EDARADD: variants seen among roughly 807,000 people sequenced by gnomAD.
EDARADD encodes the protein ectodysplasin-A receptor-associated adapter protein.
In EDARADD, 20 loss-of-function variants were observed where a neutral mutation model predicts 25.6. The ratio of observed to expected loss-of-function variants is 0.78; its 90% CI spans 0.55 to 1.14. The LOEUF is 1.14. Ranked by LOEUF, EDARADD falls within the 50% of genes most tolerant of loss-of-function variation. EDARADD has a pLI of 0.00. For synonymous variants in EDARADD, 86 were observed against 94.4 expected, an observed-to-expected ratio of 0.91 and a Z score of 0.52; for missense variants, 225 against 270.1, an observed-to-expected ratio of 0.83 and a Z score of 1.17.
chr1:236,454,323 C>T (rs1266317725), intron 4 of EDARADD, among the ~76,000 whole-genome samples: 1 of 152,212 alleles, frequency 6.6e-6, no homozygotes, highest in Non-Finnish European at 1.5e-5. Context: ...ACTGGGATTA[C>T]AGGCGTGAGC....
chr1:236,427,505 A>AT lies in EDARADD; in HGVS notation c.219+61dup. ...TTAGGTACATGATAATCCACCTAAA[A>AT]TTTTTTGAGATTTATAGAGTTTTAC... On this transcript the variant is annotated intron_variant, in intron 4 of 5. Transcript: ENST00000334232. The AT allele has an allele frequency of 3.3e-6, 5 of 1,498,068 alleles. 1 individual carries two copies. The highest frequency in any genetic ancestry group is 1.2e-5 in the South Asian group (1 of 82,416). The allele number at this position is 1,498,068 out of a possible 1,614,324, so 92.8% of individuals were successfully genotyped here.
chr1:236,368,048 A>G (rs1340569665), intron 3 of EDARADD, among the ~76,000 whole-genome samples: 1 of 152,184 alleles, frequency 6.6e-6, no homozygotes, highest in Non-Finnish European at 1.5e-5. Context: ...GTTTGAGACC[A>G]GCCTGGGCAA....
At chr1:236,355,466 T>C (rs887565193) in intron 3 of EDARADD, among the ~76,000 whole-genome samples, 5 of 151,534 alleles carry the variant, frequency 3.3e-5, no homozygotes, top group Admixed American at 2.6e-4. Flanking sequence ...TATTCTTACA[T>C]TTCCCATCCA....
chr1:236,392,022 C>T (rs1572123028), upstream of EDARADD, among the ~76,000 whole-genome samples: 1 of 152,184 alleles, frequency 6.6e-6, no homozygotes, highest in East Asian at 1.9e-4. Context: ...TATAGCAAAA[C>T]AGTATTTGCA....
chr1:236,385,259 A>G lies in EDARADD; in HGVS notation c.-5-23957A>G, dbSNP rs374934644. Among the ~76,000 whole-genome samples, 525 of 151,690 alleles carry G rather than the reference A, an allele frequency of 3.5e-3. 2 individuals are homozygous for G. Among genetic ancestry groups the G allele is most frequent in the African/African-American group, 0.012 (501 of 41,314 alleles). Reference sequence around the variant, plus strand: ...CCGTCTGTACCAAGAATCCAAAAAAATTAGCCAGGCGTGGTGGTGGGTGCC... The same window carrying G: ...CCGTCTGTACCAAGAATCCAAAAAAGTTAGCCAGGCGTGGTGGTGGGTGCC... On this transcript the variant is annotated intron_variant, in intron 3 of 7. Transcript: ENST00000439430.
intron 4 of EDARADD, among the ~76,000 whole-genome samples, chr1:236,455,195 G>A (rs1451008656): frequency 7.1e-6 from 1 of 141,660 alleles, no homozygotes; most frequent in Non-Finnish European, 1.5e-5. Flanking sequence ...GGGTGACAGA[G>A]CAAGGCTCTG....
chr1:236,424,399 G>A (rs2103014895), intron 3 of EDARADD, among the ~76,000 whole-genome samples: 1 of 152,086 alleles, frequency 6.6e-6, no homozygotes, highest in South Asian at 2.1e-4. Flanking sequence ...GGGCCCTCAA[G>A]CAACCCTCCC....
chr1:236,433,838 C>T (rs960305986), intron 4 of EDARADD, among the ~76,000 whole-genome samples: 1 of 151,634 alleles, frequency 6.6e-6, no homozygotes, highest in African/African-American at 2.4e-5. Context: ...CCACTGCACT[C>T]CAGCCTAGGC....
intron 1 of EDARADD, among the ~76,000 whole-genome samples, chr1:236,401,540 C>T (rs1189387156): frequency 1.3e-5 from 2 of 152,136 alleles, no homozygotes; most frequent in Non-Finnish European, 2.9e-5. Context: ...GCATACAGTA[C>T]GTGTTTCCCA....
At position 236,398,518 on chromosome 1, in the gene EDARADD, A is replaced by G. The variant is rs1226373279; in HGVS notation, c.61+4013A>G. Reference sequence around the variant, plus strand: ...TGAGGCTTACACACTCTGTGCAATCAATCCCTACCTGTTCCTTCACTTGCC... The same window carrying G: ...TGAGGCTTACACACTCTGTGCAATCGATCCCTACCTGTTCCTTCACTTGCC... On this transcript the variant is annotated intron_variant, in intron 1 of 5. Coordinates refer to ENST00000334232, the MANE Select transcript of EDARADD (RefSeq NM_145861.4). This position sits in a 1 kb window ranked among gnomAD's most constrained non-coding sequence, Gnocchi z 4.1. 2.0e-5 allele frequency among the ~76,000 whole-genome samples: 3 copies of G among 152,182 alleles called. No homozygotes were observed. The South Asian group carries it at 6.2e-4, about 32-fold the overall frequency.
intron 1 of EDARADD, among the ~76,000 whole-genome samples, chr1:236,399,202 G>A (rs572269742): frequency 6.6e-6 from 1 of 152,028 alleles, no homozygotes; most frequent in Non-Finnish European, 1.5e-5. Flanking sequence ...ATTTTTTTGA[G>A]ACAGAATCTC....
At chr1:236,417,523 G>T (rs1320075101) in intron 3 of EDARADD, among the ~76,000 whole-genome samples, 1 of 152,024 alleles carries the variant, frequency 6.6e-6, no homozygotes, top group South Asian at 2.1e-4. Flanking sequence ...TTTCTCATAG[G>T]GCATAAATGC....
At chr1:236,374,162 G>A (rs1667199832) in intron 3 of EDARADD, among the ~76,000 whole-genome samples, 1 of 151,908 alleles carries the variant, frequency 6.6e-6, no homozygotes, top group Admixed American at 6.6e-5. Context: ...GTAGTCAATA[G>A]ATATCAATAA....
chr1:236,436,012 TAAA>T lies in EDARADD; in HGVS notation c.219+8565_219+8567del, dbSNP rs550772570. On this transcript the variant is annotated intron_variant, in intron 4 of 5. Coordinates refer to ENST00000334232, the MANE Select transcript of EDARADD (RefSeq NM_145861.4). Reference sequence around the variant, plus strand: ...GAGAGATGAATTTGCATTTTAAAAGTAAAAACCTCAGCCAGGCATGGTGACTCA... The same window carrying T: ...GAGAGATGAATTTGCATTTTAAAAGTAACCTCAGCCAGGCATGGTGACTCA... Among the ~76,000 whole-genome samples the T allele has an allele frequency of 3.9e-3, 589 of 152,118 alleles. 3 individuals are homozygous for T. Among genetic ancestry groups the T allele is most frequent in the Middle Eastern group, 0.014 (4 of 294 alleles).
intron 1 of EDARADD, among the ~76,000 whole-genome samples, chr1:236,406,747 T>C (rs1393266172): frequency 6.6e-6 from 1 of 152,220 alleles, no homozygotes; most frequent in Non-Finnish European, 1.5e-5. Flanking sequence ...CTCGCTACCA[T>C]GTCAACTCAT....
At chr1:236,353,327 G>A (rs1355933167) in intron 3 of EDARADD, among the ~76,000 whole-genome samples, 1 of 152,204 alleles carries the variant, frequency 6.6e-6, no homozygotes, top group Non-Finnish European at 1.5e-5. Context: ...CTCTGAGTTT[G>A]TAGGATTATT....
intron 2 of EDARADD, among the ~76,000 whole-genome samples, chr1:236,413,816 C>G (rs772803075): frequency 6.6e-6 from 1 of 152,150 alleles, no homozygotes; most frequent in Non-Finnish European, 1.5e-5. Flanking sequence ...TTGAATCATC[C>G]TGTCTCAGTC....
At chr1:236,445,082 A>G (rs1658496569) in intron 4 of EDARADD, among the ~76,000 whole-genome samples, 1 of 150,808 alleles carries the variant, frequency 6.6e-6, no homozygotes, top group Non-Finnish European at 1.5e-5. Flanking sequence ...GTATCCTGCC[A>G]CTCTGCCATA....
intron 5 of EDARADD, among the ~76,000 whole-genome samples, chr1:236,473,914 G>A (rs1315704987): frequency 3.3e-5 from 5 of 152,030 alleles, no homozygotes; most frequent in South Asian, 2.1e-4. Flanking sequence ...GACTATAGGC[G>A]TGCACCACCA....
Sources: gnomAD v4.1 joint callset for allele counts (sites outside exome capture counted in the v4.1 genomes callset) on GRCh38, gnomAD v4.1.1 for gene constraint, Gnocchi (gnomAD v3.1) non-coding constraint, MANE v1.5 for transcripts, NCBI Gene and HGNC (gene_info 2026-07-23, HGNC 2026-07-21) for gene names.